The following KIRREL1 variants were observed in gnomAD, a reference collection of about 807,000 sequenced individuals.
KIRREL1 encodes the protein kin of IRRE-like protein 1.
Under a neutral mutation model 83.3 loss-of-function variants are expected in KIRREL1, and 25 were observed. The observed-to-expected ratio is 0.30, with a 90% CI of 0.22 to 0.42. The LOEUF (loss-of-function observed/expected upper bound fraction) is 0.42. Ranked by LOEUF, KIRREL1 falls within the 10% of genes least tolerant of loss-of-function variation. The pLI is 1.00. For missense variants in KIRREL1, 812 were observed against 1,032.3 expected, an observed-to-expected ratio of 0.79 and a Z score of 2.92; for synonymous variants, 388 against 410.4, an observed-to-expected ratio of 0.95 and a Z score of 0.66.
chr1:158,094,777 C>A lies in KIRREL1; in HGVS notation c.1931C>A (p.Ser644Tyr). Reference protein sequence around the residue: ...DGRPSSRLSHSSGYAQLNTYS... With the variant: ...DGRPSSRLSHYSGYAQLNTYS... ...CGCCCCTCATCCCGTCTCTCCCACT[C>A]CAGCGGCTATGCCCAGCTCAACACC... is the stretch of plus-strand genomic sequence containing the variant. The change falls in exon 15 of 15, where the codon TCC becomes TAC. Residue 644 changes from serine to tyrosine, a missense_variant. Coordinates refer to ENST00000359209, the MANE Select transcript of KIRREL1 (RefSeq NM_018240.7). This position sits in a 1 kb window ranked among gnomAD's most constrained non-coding sequence, Gnocchi z 4.6. 1 of 1,614,024 alleles carries A rather than the reference C, an allele frequency of 6.2e-7. No individual in the cohort carries two copies. The highest frequency in any genetic ancestry group is 8.5e-7 in the Non-Finnish European group (1 of 1,179,996).
At chr1:158,005,478 G>T (rs1659491257) in intron 1 of KIRREL1, among the ~76,000 whole-genome samples, 1 of 151,124 alleles carries the variant, frequency 6.6e-6, no homozygotes, top group East Asian at 1.9e-4. Context: ...GCCAGCTGTG[G>T]AGTTGAAAAG....
chr1:158,020,599 T>TAAAAAA (rs1659977493), intron 1 of KIRREL1, among the ~76,000 whole-genome samples: 5 of 1,470 alleles, frequency 3.4e-3, no homozygotes, highest in Non-Finnish European at 7.8e-3. Flanking sequence ...ATACAGTAAA[T>TAAAAAA]CAAAAAAAAA....
At chr1:158,084,697 T>C in intron 4 of KIRREL1, 118 bp downstream of exon 4, 1 of 1,048,540 alleles carries the variant, frequency 9.5e-7, no homozygotes, top group Non-Finnish European at 1.4e-6. Flanking sequence ...GTCTTAGAGG[T>C]CATCTGGTTC....
chr1:158,098,301 A>G lies in KIRREL1; in HGVS notation c.*3181A>G, dbSNP rs1020722110. 6.6e-6 allele frequency: 1 copy of G among 152,232 alleles called. No individual in the cohort carries two copies. Among genetic ancestry groups the G allele is most frequent in the African/African-American group, 2.4e-5 (1 of 41,454 alleles). 9.4% of individuals were successfully genotyped at this position (152,232 alleles called of 1,614,324 possible). A position where few individuals can be genotyped will look rare whatever the true frequency, so the allele number is the denominator to read the frequency against. ...TGCCAGGGCAGGACATAGTATGCAC[A>G]TAGGGATATTGTTATGTGCCTAGGT... On this transcript the variant is annotated 3_prime_UTR_variant, in exon 15 of 15. Coordinates refer to ENST00000359209, the MANE Select transcript of KIRREL1 (RefSeq NM_018240.7).
chr1:158,067,246 T>C (rs1661379629), intron 1 of KIRREL1, among the ~76,000 whole-genome samples: 1 of 152,032 alleles, frequency 6.6e-6, no homozygotes, highest in Non-Finnish European at 1.5e-5. Context: ...TGAGCCCTAA[T>C]GGAAGGGATG....
At chr1:157,993,810 G>A in intron 1 of KIRREL1, 82 bp downstream of exon 1, 1 of 937,778 alleles carries the variant, frequency 1.1e-6, no homozygotes, top group Non-Finnish European at 1.5e-6. Flanking sequence ...GAGTGCTGGA[G>A]TGCCCCGCGG....
chr1:158,057,688 A>G lies in KIRREL1; in HGVS notation c.53-18425A>G, dbSNP rs549480880. Among the ~76,000 whole-genome samples, 5 of 152,324 alleles carry G rather than the reference A, an allele frequency of 3.3e-5. No individual in the cohort carries two copies. In the East Asian group the frequency reaches 9.7e-4, roughly 29 times the overall value. On this transcript the variant is annotated intron_variant, in intron 1 of 14. Coordinates refer to ENST00000359209, the MANE Select transcript of KIRREL1 (RefSeq NM_018240.7). The stretch of plus-strand genomic sequence containing the variant: ...CCACTCAAAAGGCAGTTGCTCTTGA[A>G]ATGCCAGAGTACCCAGGTACTCCAC...
intron 1 of KIRREL1, among the ~76,000 whole-genome samples, chr1:158,018,444 A>G (rs927702): frequency 0.95 from 144,960 of 152,218 alleles, 69,408 homozygotes; most frequent in East Asian, 1. Flanking sequence ...GAGGCAGCTC[A>G]TAGCATGGCC....
chr1:158,056,254 C>T (rs1661054378), intron 1 of KIRREL1, among the ~76,000 whole-genome samples: 1 of 152,254 alleles, frequency 6.6e-6, no homozygotes, highest in Non-Finnish European at 1.5e-5. Context: ...TTTCCCCATC[C>T]TGCTTTGTAC....
chr1:158,084,676 A>G (rs1156508675), intron 4 of KIRREL1, 97 bp downstream of exon 4: 2 of 1,302,374 alleles, frequency 1.5e-6, no homozygotes, highest in Admixed American at 4.7e-5. Context: ...GAGCACACAG[A>G]CATGAGAGGG....
intron 1 of KIRREL1, among the ~76,000 whole-genome samples, chr1:158,060,334 A>AC (rs772736195): frequency 6.6e-6 from 1 of 152,052 alleles, no homozygotes; most frequent in Non-Finnish European, 1.5e-5. Flanking sequence ...GGATGAGCCA[A>AC]TTTCACCCAT....
At chr1:157,997,112 A>G (rs1215672716) in intron 1 of KIRREL1, among the ~76,000 whole-genome samples, 1 of 152,108 alleles carries the variant, frequency 6.6e-6, no homozygotes, top group African/African-American at 2.4e-5. Context: ...TATCTGATCA[A>G]TTGATTGATT....
At chr1:158,003,806 A>C (rs3915907) in intron 1 of KIRREL1, among the ~76,000 whole-genome samples, 1 of 140,512 alleles carries the variant, frequency 7.1e-6, no homozygotes, top group African/African-American at 2.5e-5. Context: ...ACTTTGAAAA[A>C]AAAAAAAAAT....
intron 1 of KIRREL1, among the ~76,000 whole-genome samples, chr1:158,073,823 A>G (rs1661590775): frequency 6.6e-6 from 1 of 152,158 alleles, no homozygotes; most frequent in Non-Finnish European, 1.5e-5. Context: ...CTGCTTCTTC[A>G]TTCCAAGTGG....
chr1:158,074,004 G>A (rs1018413326), intron 1 of KIRREL1, among the ~76,000 whole-genome samples: 1 of 152,250 alleles, frequency 6.6e-6, no homozygotes, highest in African/African-American at 2.4e-5. Flanking sequence ...AAGGAGAAAC[G>A]TGAGTGTGGA....
At chr1:158,012,160 G>T (rs759585626) in intron 1 of KIRREL1, among the ~76,000 whole-genome samples, 2 of 152,204 alleles carry the variant, frequency 1.3e-5, no homozygotes, top group Non-Finnish European at 2.9e-5. Flanking sequence ...ATAGGAGTCA[G>T]GTGACCTGGA....
intron 1 of KIRREL1, among the ~76,000 whole-genome samples, chr1:157,997,938 G>A (rs1402567992): frequency 6.6e-6 from 1 of 152,158 alleles, no homozygotes; most frequent in Non-Finnish European, 1.5e-5. Flanking sequence ...CTAGGGTGCA[G>A]TGGTGTGATT....
At chr1:158,014,303 C>A (rs1391042927) in intron 1 of KIRREL1, among the ~76,000 whole-genome samples, 12 of 152,014 alleles carry the variant, frequency 7.9e-5, no homozygotes, top group Admixed American at 2.0e-4. Context: ...GGAGTTGTTG[C>A]CATGGCAACA....
chr1:158,050,587 G>A (rs574218910), intron 1 of KIRREL1, among the ~76,000 whole-genome samples: 26 of 152,280 alleles, frequency 1.7e-4, no homozygotes, highest in African/African-American at 6.3e-4. Flanking sequence ...ACTTGTTTAA[G>A]GGACCACTGA....
Sources: allele counts gnomAD v4.1 joint callset (sites outside exome capture counted in the v4.1 genomes callset), GRCh38; gene constraint gnomAD v4.1.1; non-coding constraint Gnocchi (gnomAD v3.1); transcripts MANE v1.5; gene names NCBI Gene and HGNC (gene_info 2026-07-23, HGNC 2026-07-21).